AFG1L: variants seen among roughly 807,000 people sequenced by gnomAD.
AFG1L encodes AFG1 like ATPase.
A neutral mutation model predicts 62.2 loss-of-function variants in AFG1L; 53 were observed. The observed-to-expected ratio is 0.85, with a 90% CI of 0.68 to 1.07. The LOEUF (loss-of-function observed/expected upper bound fraction) is 1.07. AFG1L is among the 50% of genes least tolerant of loss of function. AFG1L has a pLI of 0.00. For synonymous variants in AFG1L, 228 were observed against 210.3 expected, an observed-to-expected ratio of 1.08 and a Z score of -0.73; for missense variants, 555 against 590.5, an observed-to-expected ratio of 0.94 and a Z score of 0.62.
At chr6:108,445,712 A>G (rs190561741) in intron 7 of AFG1L, among the ~76,000 whole-genome samples, 2 of 151,808 alleles carry the variant, frequency 1.3e-5, no homozygotes, top group Admixed American at 1.3e-4. Flanking sequence ...GTCAGAATGC[A>G]AACAGCATGT....
At chr6:108,331,592 CACTTT>C (rs1050448095) in intron 2 of AFG1L, among the ~76,000 whole-genome samples, 2 of 152,118 alleles carry the variant, frequency 1.3e-5, no homozygotes, top group African/African-American at 4.8e-5. Context: ...CATTTATAAA[CACTTT>C]ACTTTTGTTA....
chr6:108,482,741 T>C (rs182726876), intron 10 of AFG1L, among the ~76,000 whole-genome samples: 2 of 152,080 alleles, frequency 1.3e-5, no homozygotes, highest in Admixed American at 6.5e-5. Context: ...GATGTTTTCC[T>C]TATGATTAGA....
chr6:108,416,564 C>A (rs1770291088), intron 7 of AFG1L, among the ~76,000 whole-genome samples: 1 of 152,106 alleles, frequency 6.6e-6, no homozygotes. Context: ...GAAAATGTGG[C>A]ACATATACAC....
At chr6:108,295,630 A>T (rs1190685513) in intron 1 of AFG1L, 2 of 163,052 alleles carry the variant, frequency 1.2e-5, no homozygotes, top group African/African-American at 4.8e-5. Flanking sequence ...GCAGGCCCTG[A>T]TGTCTCTCGT....
intron 8 of AFG1L, among the ~76,000 whole-genome samples, chr6:108,454,085 A>G (rs1456257122): frequency 6.6e-6 from 1 of 152,130 alleles, no homozygotes; most frequent in Non-Finnish European, 1.5e-5. Context: ...ATCCTCTACA[A>G]CAAAATTTTT....
At chr6:108,438,095 A>G (rs368140745) in intron 7 of AFG1L, among the ~76,000 whole-genome samples, 1 of 152,198 alleles carries the variant, frequency 6.6e-6, no homozygotes, top group East Asian at 1.9e-4. Context: ...GCTTTTTTGA[A>G]TCTTGCAATT....
At position 108,295,160 on chromosome 6, in the gene AFG1L, G is replaced by A. The variant is rs1440213599; in HGVS notation, c.81G>A (p.Gly27=). 1 of 1,609,448 alleles carries A rather than the reference G, an allele frequency of 6.2e-7. No individual in the cohort carries two copies. The highest frequency in any genetic ancestry group is 8.5e-7 in the Non-Finnish European group (1 of 1,179,954). Residue 27 remains glycine (G), a synonymous_variant, in exon 1 of 13, where the codon GGG becomes GGA. Coordinates refer to ENST00000368977, the MANE Select transcript of AFG1L (RefSeq NM_145315.5). ...SPLRGRCVGC[G]AWAAALAPLA... is the part of the protein sequence containing the mutation. ...TGAGAGGGAGATGTGTTGGGTGCGG[G>A]GCCTGGGCCGCCGCTCTCGCTCCTC...
chr6:108,472,810 C>CTTTTTT (rs527868653), intron 8 of AFG1L, among the ~76,000 whole-genome samples: 22 of 129,440 alleles, frequency 1.7e-4, no homozygotes, highest in African/African-American at 6.3e-4. Flanking sequence ...CTTTTCTTTT[C>CTTTTTT]TTTTTTTTTT....
At chr6:108,390,551 G>C (rs1003226523) in intron 6 of AFG1L, among the ~76,000 whole-genome samples, 3 of 151,660 alleles carry the variant, frequency 2.0e-5, no homozygotes, top group African/African-American at 7.2e-5. Flanking sequence ...TTTTGGTGTG[G>C]ATGTCCTTTC....
intron 7 of AFG1L, among the ~76,000 whole-genome samples, chr6:108,415,204 C>G (rs1056047854): frequency 6.6e-6 from 1 of 152,116 alleles, no homozygotes; most frequent in Non-Finnish European, 1.5e-5. Context: ...CCTCGGAATC[C>G]AACTGACAAG....
intron 8 of AFG1L, among the ~76,000 whole-genome samples, chr6:108,466,990 TG>T (rs1463922681): frequency 6.6e-6 from 1 of 151,658 alleles, no homozygotes; most frequent in East Asian, 1.9e-4. Flanking sequence ...TAATATTGAG[TG>T]AGAGAAGTCA....
intron 7 of AFG1L, among the ~76,000 whole-genome samples, chr6:108,429,182 T>C (rs1391763473): frequency 6.6e-6 from 1 of 152,180 alleles, no homozygotes; most frequent in Non-Finnish European, 1.5e-5. Flanking sequence ...TTTCCCCAAC[T>C]TATATTTTTA....
At chr6:108,503,390 T>G (rs1229323854) in intron 10 of AFG1L, among the ~76,000 whole-genome samples, 1 of 152,246 alleles carries the variant, frequency 6.6e-6, no homozygotes, top group Non-Finnish European at 1.5e-5. Flanking sequence ...TTAACAGTCA[T>G]GAAAACAACA....
chr6:108,443,491 G>T (rs750774853), intron 7 of AFG1L, among the ~76,000 whole-genome samples: 1 of 152,172 alleles, frequency 6.6e-6, no homozygotes, highest in Non-Finnish European at 1.5e-5. Context: ...ACATCACATT[G>T]TAAGAAGAAC....
chr6:108,497,847 G>A (rs1012439255), intron 10 of AFG1L, among the ~76,000 whole-genome samples: 26 of 152,192 alleles, frequency 1.7e-4, no homozygotes, highest in African/African-American at 6.0e-4. Context: ...AGCAAGTATA[G>A]TGTTTTCGTT....
In AFG1L at chr6:108,295,113, C is replaced by A. The variant is rs146708138; in HGVS notation, c.34C>A (p.Arg12Ser). The A allele has an allele frequency of 1.1e-5, 18 of 1,611,372 alleles. No homozygotes were observed. Among genetic ancestry groups the A allele is most frequent in the Non-Finnish European group, 1.4e-5 (17 of 1,179,992 alleles). Residue 12 changes from arginine (R) to serine (S), a missense_variant, in exon 1 of 13, where the codon CGC (arginine) becomes AGC (serine). Transcript: ENST00000368977. The stretch of plus-strand genomic sequence containing the variant: ...CTCCTGGTCGCTCTTGGTTACCCTG[C>A]GCCCCTTAGCACAGAGCCCGCTGAG... ...AASWSLLVTL[R>S]PLAQSPLRGR...
intron 10 of AFG1L, among the ~76,000 whole-genome samples, chr6:108,509,118 G>GGTA (rs1272891993): frequency 2.0e-5 from 3 of 152,166 alleles, no homozygotes; most frequent in Non-Finnish European, 2.9e-5. Flanking sequence ...AATGAGCAGA[G>GGTA]GTAACATTTC....
At chr6:108,396,528 T>C (rs1781317403) in intron 6 of AFG1L, among the ~76,000 whole-genome samples, 1 of 152,198 alleles carries the variant, frequency 6.6e-6, no homozygotes, top group Non-Finnish European at 1.5e-5. Context: ...TCTCACTCTT[T>C]CGCTCAGGCT....
chr6:108,345,376 G>T (rs1778825540), intron 2 of AFG1L, among the ~76,000 whole-genome samples: 1 of 151,850 alleles, frequency 6.6e-6, no homozygotes, highest in African/African-American at 2.4e-5. Context: ...GATTGATTGA[G>T]TGAGACAGGG....
Sources: allele counts gnomAD v4.1 joint callset (sites outside exome capture counted in the v4.1 genomes callset), GRCh38; gene constraint gnomAD v4.1.1; transcripts MANE v1.5; gene names NCBI Gene and HGNC (gene_info 2026-07-23, HGNC 2026-07-21).